Variants in SPTBN4 observed in about 807,000 individuals in gnomAD.
SPTBN4 encodes the protein spectrin beta, non-erythrocytic 4, also known as spectrin beta chain, non-erythrocytic 4.
Under a neutral mutation model 277.8 loss-of-function variants are expected in SPTBN4, and 96 were observed. That is an observed-to-expected ratio of 0.35 (90% confidence interval 0.29 to 0.41). The LOEUF (loss-of-function observed/expected upper bound fraction) is 0.41. Ranked by LOEUF, SPTBN4 falls within the 10% of genes least tolerant of loss-of-function variation. The probability of loss-of-function intolerance (pLI) is 1.00; values close to 1 mark genes in which losing one functional copy is unlikely to be tolerated. For missense variants in SPTBN4, 3,006 were observed against 3,595.7 expected (o/e 0.84, Z 4.19); for synonymous variants, 1,481 against 1,580.3 (o/e 0.94, Z 1.49).
Position 40,558,947 on chromosome 19 carries a change from T to TATTATGATGATGATG in SPTBN4, c.5671-1210_5671-1209insTATGATGATGATGAT, listed in dbSNP as rs1026792401. On this transcript the variant is annotated intron_variant, in intron 26 of 35. Transcript: ENST00000598249. ...TTATTATTATTATTATTATTATTAT[T>TATTATGATGATGATG]ATGAGGCAGAGTCTCTCTTTGTCAC... is the stretch of plus-strand genomic sequence containing the variant. 2.5e-4 allele frequency among the ~76,000 whole-genome samples: 37 copies of TATTATGATGATGATG among 146,164 alleles called. 1 individual carries two copies. The highest frequency in any genetic ancestry group is 9.2e-4 in the African/African-American group (36 of 39,166).
chr19:40,519,810 G>T lies in SPTBN4; in HGVS notation c.3313G>T (p.Val1105Leu). ...CCTCGACGCTTTCCTGGACTGGCTC[G>T]TGCGCGCCCAGGAGGCGGCGGGCGG... ...HDLDAFLDWL[V>L]RAQEAAGGSE... Residue 1105 changes from valine to leucine, a missense_variant, in exon 16 of 36, where the codon GTG becomes TTG. By Grantham distance (32) the Val-to-Leu change is conservative. Around this residue, in one of 5 missense-constraint regions of SPTBN4, gnomAD observed 1,759 missense variants for 2,061.5 expected, o/e 0.85. Transcript: ENST00000598249. This position sits in a 1 kb window ranked among gnomAD's most constrained non-coding sequence, Gnocchi z 5.7. The T allele has an allele frequency of 7.0e-7, 1 of 1,432,162 alleles. No individual in the cohort carries two copies. Among genetic ancestry groups the T allele is most frequent in the Non-Finnish European group, 9.0e-7 (1 of 1,106,400 alleles). 88.7% of individuals were successfully genotyped at this position (1,432,162 alleles called of 1,614,324 possible).
At chr19:40,559,904 C>A (rs1172028477) in intron 26 of SPTBN4, among the ~76,000 whole-genome samples, 2 of 152,186 alleles carry the variant, frequency 1.3e-5, no homozygotes, top group South Asian at 2.1e-4. Flanking sequence ...AGGTGGCAGA[C>A]CCAATAGAAA....
rs149551223 is a variant in SPTBN4, at chr19:40,468,844, A to C, written c.-16+1539A>C. ...CTGGGCACAGTGGCTCACATGTGTA[A>C]CCCCAGCACTTTGGGAAGTTGAAGT... is the stretch of plus-strand genomic sequence containing the variant. On this transcript the variant is annotated intron_variant, in intron 1 of 35. Coordinates refer to ENST00000598249, the MANE Select transcript of SPTBN4 (RefSeq NM_020971.3). 3.2e-4 allele frequency among the ~76,000 whole-genome samples: 48 copies of C among 152,208 alleles called. 1 individual carries two copies. Among genetic ancestry groups the C allele is most frequent in the African/African-American group, 1.1e-3 (45 of 41,530 alleles).
chr19:40,529,161 G>C (rs1406255495), intron 18 of SPTBN4, 30 bp downstream of exon 18: 2 of 1,589,542 alleles, frequency 1.3e-6, no homozygotes, highest in African/African-American at 2.7e-5. Flanking sequence ...TGGGGACGGA[G>C]ACATCCCCTT....
At chr19:40,556,363 G>A in intron 25 of SPTBN4, 75 bp downstream of exon 25, 3 of 1,343,874 alleles carry the variant, frequency 2.2e-6, no homozygotes, top group Non-Finnish European at 3.1e-6. Flanking sequence ...CTCATCTGTA[G>A]TATGAGGATA....
intron 2 of SPTBN4, among the ~76,000 whole-genome samples, chr19:40,484,400 C>T (rs1284309518): frequency 6.6e-6 from 1 of 152,176 alleles, no homozygotes. Flanking sequence ...ACAGGCTAAG[C>T]TGCCAACAAA....
At chr19:40,527,647 G>A (rs2080608913) in intron 17 of SPTBN4, among the ~76,000 whole-genome samples, 1 of 152,222 alleles carries the variant, frequency 6.6e-6, no homozygotes, top group Non-Finnish European at 1.5e-5. Context: ...CCAAGGGCCT[G>A]AGGCTTGCTC....
chr19:40,550,664 G>A (rs2080908447), intron 22 of SPTBN4, among the ~76,000 whole-genome samples: 2 of 151,804 alleles, frequency 1.3e-5, no homozygotes, highest in African/African-American at 4.8e-5. Flanking sequence ...CACCACACCT[G>A]GCTAATTTTT....
chr19:40,476,274 G>A (rs1346323109), intron 2 of SPTBN4, among the ~76,000 whole-genome samples: 1 of 150,024 alleles, frequency 6.7e-6, no homozygotes, highest in Non-Finnish European at 1.5e-5. Flanking sequence ...GAACCTCAGA[G>A]GCGGAGGTTG....
At chr19:40,468,862 G>A (rs1038554770) in intron 1 of SPTBN4, among the ~76,000 whole-genome samples, 1 of 152,192 alleles carries the variant, frequency 6.6e-6, no homozygotes, top group African/African-American at 2.4e-5. Context: ...ACTTTGGGAA[G>A]TTGAAGTGGG....
chr19:40,559,313 G>A lies in SPTBN4; in HGVS notation c.5671-846G>A, dbSNP rs114793077. Among the ~76,000 whole-genome samples, 651 of 152,228 alleles carry A rather than the reference G, an allele frequency of 4.3e-3. 2 individuals carry two copies. The highest frequency in any genetic ancestry group is 0.015 in the African/African-American group (608 of 41,526). On this transcript the variant is annotated intron_variant, in intron 26 of 35. Coordinates refer to ENST00000598249, the MANE Select transcript of SPTBN4 (RefSeq NM_020971.3). ...AATAAGTGGTGGATCTGTTAGAGAT[G>A]GGGAGGTCACACCAAAATAAATCAG...
At chr19:40,575,325 AGAGAGG>A in intron 35 of SPTBN4, 80 bp from the exon 36 acceptor site, 1 of 1,440,230 alleles carries the variant, frequency 6.9e-7, no homozygotes, top group South Asian at 1.4e-5. Flanking sequence ...ACTGAATTTC[AGAGAGG>A]GTAGTCTGAT....
rs2080692269 is a variant in SPTBN4, at chr19:40,532,759, G to A, written c.4083G>A (p.Glu1361=). 7 of 1,612,160 alleles carry A rather than the reference G, an allele frequency of 4.3e-6. No individual in the cohort carries two copies. In the African/African-American group the frequency reaches 6.7e-5, roughly 15 times the overall value. ...AELAQNKEWL[E]KIEREGQQLM... is the part of the protein sequence containing the mutation. ...TGGCTCAGAATAAGGAGTGGCTGGA[G>A]AAGATCGAGCGGGTGAGGAAGCTGA... The change falls in exon 19 of 36, where the codon GAG becomes GAA. Residue 1361 remains glutamate (E), a synonymous_variant. Coordinates refer to ENST00000598249, the MANE Select transcript of SPTBN4 (RefSeq NM_020971.3).
In SPTBN4 at chr19:40,560,304, G is replaced by C; in HGVS notation, c.5816G>C (p.Ser1939Thr). ...TGTGAGGATGCCCGCCTGCATGTCAGCTCCACAGCCGACGCCCTGCGCTTC... is the reference window on the plus strand; with the variant it reads ...TGTGAGGATGCCCGCCTGCATGTCACCTCCACAGCCGACGCCCTGCGCTTC... Reference protein sequence around the residue: ...SACEDARLHVSSTADALRFHS... With the variant: ...SACEDARLHVTSTADALRFHS... The change falls in exon 27 of 36, where the codon AGC becomes ACC. Residue 1939 changes from serine (S) to threonine (T), a missense_variant. Coordinates refer to ENST00000598249, the MANE Select transcript of SPTBN4 (RefSeq NM_020971.3). This position sits in a 1 kb window ranked among gnomAD's most constrained non-coding sequence, Gnocchi z 5.2. The C allele has an allele frequency of 6.2e-7, 1 of 1,614,100 alleles. No individual in the cohort carries two copies. The highest frequency in any genetic ancestry group is 8.5e-7 in the Non-Finnish European group (1 of 1,180,008).
intron 17 of SPTBN4, chr19:40,524,540 C>T (rs749237201): frequency 2.2e-6 from 1 of 454,840 alleles, no homozygotes; most frequent in South Asian, 1.6e-5. Flanking sequence ...ACTTACTTCC[C>T]TAGATGCCTC....
At chr19:40,548,217 A>AT (rs1271401993) in intron 20 of SPTBN4, among the ~76,000 whole-genome samples, 1 of 152,152 alleles carries the variant, frequency 6.6e-6, no homozygotes, top group African/African-American at 2.4e-5. Context: ...TTACTATCAA[A>AT]TTTTTTTATC....
At chr19:40,573,125 C>T (rs971606402) in intron 35 of SPTBN4, among the ~76,000 whole-genome samples, 3 of 151,936 alleles carry the variant, frequency 2.0e-5, no homozygotes, top group South Asian at 2.1e-4. Context: ...CTGGGCAACA[C>T]GGAAAGATCC....
intron 27 of SPTBN4, among the ~76,000 whole-genome samples, chr19:40,562,951 CCTGTAATCCCAACA>C (rs1379686898): frequency 1.3e-5 from 2 of 152,194 alleles, no homozygotes; most frequent in African/African-American, 4.8e-5. Flanking sequence ...GTGGCTCACG[CCTGTAATCCCAACA>C]CTGGGAGGCC....
chr19:40,526,506 G>A (rs998514972), intron 17 of SPTBN4, among the ~76,000 whole-genome samples: 2 of 151,964 alleles, frequency 1.3e-5, no homozygotes, highest in Non-Finnish European at 2.9e-5. Flanking sequence ...TTGCATGTGA[G>A]GCTCAGAGGG....
Sources: allele counts gnomAD v4.1 joint callset (sites outside exome capture counted in the v4.1 genomes callset), GRCh38; gene constraint gnomAD v4.1.1; regional missense constraint gnomAD v4.1.1; non-coding constraint Gnocchi (gnomAD v3.1); transcripts MANE v1.5; gene names NCBI Gene and HGNC (gene_info 2026-07-23, HGNC 2026-07-21).